Variants in ROR2 observed in about 807,000 individuals in gnomAD.
ROR2 encodes the protein ROR family WNT receptor 2, also known as tyrosine-protein kinase transmembrane receptor ROR2.
ROR2 carries 33 observed loss-of-function variants against 74.9 expected under a neutral mutation model. The ratio of observed to expected loss-of-function variants is 0.44; its 90% CI spans 0.33 to 0.59. The LOEUF is 0.59. Among genes scored for constraint, ROR2 ranks in the 20% least tolerant of loss-of-function variants. ROR2 has a pLI of 0.02. For synonymous variants in ROR2, 586 were observed against 558.7 expected, an observed-to-expected ratio of 1.05 and a Z score of -0.69; for missense variants, 1,216 against 1,313.8, an observed-to-expected ratio of 0.93 and a Z score of 1.15.
intron 1 of ROR2, among the ~76,000 whole-genome samples, chr9:91,842,531 C>G (rs1239307472): frequency 4.6e-5 from 7 of 152,358 alleles, no homozygotes; most frequent in African/African-American, 1.4e-4. Flanking sequence ...GCCAATCGGA[C>G]GCCACAGGCA....
chr9:91,935,729 C>T (rs558069147), intron 1 of ROR2, among the ~76,000 whole-genome samples: 90 of 152,336 alleles, frequency 5.9e-4, no homozygotes, highest in African/African-American at 1.8e-3. Flanking sequence ...TCTGCTCTGA[C>T]ATCTGGGATG....
intron 1 of ROR2, among the ~76,000 whole-genome samples, chr9:91,886,415 G>A (rs1259686047): frequency 6.6e-6 from 1 of 152,122 alleles, no homozygotes; most frequent in Non-Finnish European, 1.5e-5. Context: ...CTACACCACG[G>A]CCTCTGCACA....
At chr9:91,741,304 G>GTAGTAATAA (rs374035845) in intron 4 of ROR2, among the ~76,000 whole-genome samples, 2 of 135,604 alleles carry the variant, frequency 1.5e-5, no homozygotes, top group Admixed American at 1.5e-4. Flanking sequence ...GTCTCAAGTA[G>GTAGTAATAA]TAATAATAAT....
chr9:91,839,850 C>G (rs1828730973), intron 1 of ROR2, among the ~76,000 whole-genome samples: 1 of 152,016 alleles, frequency 6.6e-6, no homozygotes, highest in Non-Finnish European at 1.5e-5. Flanking sequence ...TGAGGGTGAT[C>G]TGTTTAATAC....
chr9:91,724,719 A>G lies in ROR2; in HGVS notation c.1775T>C (p.Phe592Ser). ...CGCGATCTGTGCCACAAGGTGCACGAAGTCGGGGGGCTCCAGGGCGGACTT... is the reference window on the plus strand; with the variant it reads ...CGCGATCTGTGCCACAAGGTGCACGGAGTCGGGGGGCTCCAGGGCGGACTT... ...TVKSALEPPDFVHLVAQIAAG... is the reference protein window; with the variant it reads ...TVKSALEPPDSVHLVAQIAAG... The change falls in exon 9 of 9, where the codon TTC (phenylalanine) becomes TCC (serine). Residue 592 changes from phenylalanine to serine, a missense_variant. By Grantham distance (155) the Phe-to-Ser change is radical (BLOSUM62 -2). Transcript: ENST00000375708. 6.2e-7 allele frequency: 1 copy of G among 1,614,176 alleles called. No individual in the cohort carries two copies. The highest frequency in any genetic ancestry group is 1.1e-5 in the South Asian group (1 of 91,084).
Position 91,905,889 on chromosome 9 carries a change from T to C in ROR2, c.97+43978A>G, listed in dbSNP as rs1830802759. ...GGAATTCTTGATCCCAGTGGAAGAT[T>C]ACATATTAAAGAAAATGCAGAAAAT... On this transcript the variant is annotated intron_variant, in intron 1 of 8. Transcript: ENST00000375708. This position sits in a 1 kb window ranked among gnomAD's most constrained non-coding sequence, Gnocchi z 5.3. Among the ~76,000 whole-genome samples the C allele has an allele frequency of 6.6e-6, 1 of 151,868 alleles. No individual in the cohort carries two copies. Among genetic ancestry groups the C allele is most frequent in the Non-Finnish European group, 1.5e-5 (1 of 67,984 alleles).
rs79552283 is a variant in ROR2, at chr9:91,875,500, G to A, written c.97+74367C>T. On this transcript the variant is annotated intron_variant, in intron 1 of 8. Coordinates refer to ENST00000375708, the MANE Select transcript of ROR2 (RefSeq NM_004560.4). ...ATGATACCCACCAGTGAACAATGCTGGATTGACCATGCTTTCTTTATTTTC... is the reference window on the plus strand; with the variant it reads ...ATGATACCCACCAGTGAACAATGCTAGATTGACCATGCTTTCTTTATTTTC... 1.1e-4 allele frequency among the ~76,000 whole-genome samples: 16 copies of A among 152,288 alleles called. No individual in the cohort carries two copies. In the East Asian group the frequency reaches 3.1e-3, roughly 29 times the overall value.
intron 1 of ROR2, among the ~76,000 whole-genome samples, chr9:91,796,447 A>AAAAC (rs1286725856): frequency 6.6e-6 from 1 of 151,964 alleles, no homozygotes; most frequent in Admixed American, 6.5e-5. Context: ...AAAAAAAAAA[A>AAAAC]AAAAAAAACA....
chr9:91,889,867 T>A (rs1326816473), intron 1 of ROR2, among the ~76,000 whole-genome samples: 2 of 152,214 alleles, frequency 1.3e-5, no homozygotes, highest in African/African-American at 4.8e-5. Flanking sequence ...AGACACACTC[T>A]GCACAGCAAA....
intron 1 of ROR2, among the ~76,000 whole-genome samples, chr9:91,942,133 G>C (rs374333662): frequency 1.3e-5 from 2 of 152,014 alleles, no homozygotes; most frequent in African/African-American, 2.4e-5. Flanking sequence ...CTGTTTCATC[G>C]CTCATGTCCT....
At chr9:91,891,738 G>A (rs1482237670) in intron 1 of ROR2, among the ~76,000 whole-genome samples, 1 of 152,056 alleles carries the variant, frequency 6.6e-6, no homozygotes, top group Non-Finnish European at 1.5e-5. Flanking sequence ...CCCGGCCCTG[G>A]GCCCCTCACC....
intron 1 of ROR2, among the ~76,000 whole-genome samples, chr9:91,873,848 G>A (rs1239610103): frequency 6.6e-6 from 1 of 152,140 alleles, no homozygotes; most frequent in Admixed American, 6.5e-5. Flanking sequence ...GATGCCTTCA[G>A]GGGAACCTTT....
intron 1 of ROR2, among the ~76,000 whole-genome samples, chr9:91,940,129 T>C (rs907743208): frequency 6.6e-6 from 1 of 152,170 alleles, no homozygotes; most frequent in Admixed American, 6.5e-5. Context: ...GCTGCATTCA[T>C]GGCAACTCAG....
intron 7 of ROR2, among the ~76,000 whole-genome samples, chr9:91,729,858 C>G (rs559473154): frequency 1.6e-4 from 25 of 152,304 alleles, no homozygotes; most frequent in African/African-American, 6.0e-4. Flanking sequence ...TCCACCAAAC[C>G]TAAGTGTAAA....
intron 2 of ROR2, among the ~76,000 whole-genome samples, chr9:91,768,612 G>A (rs541475978): frequency 2.6e-5 from 4 of 152,300 alleles, no homozygotes; most frequent in South Asian, 4.1e-4. Context: ...ACGCCACCCC[G>A]CTGGGCGCAG....
chr9:91,856,496 T>A (rs1235822134), intron 1 of ROR2, among the ~76,000 whole-genome samples: 1 of 151,976 alleles, frequency 6.6e-6, no homozygotes, highest in African/African-American at 2.4e-5. Context: ...AAAAACAAGG[T>A]CATATGAGTG....
intron 1 of ROR2, among the ~76,000 whole-genome samples, chr9:91,937,874 C>T (rs183215775): frequency 2.6e-5 from 4 of 152,160 alleles, no homozygotes; most frequent in East Asian, 1.9e-4. Flanking sequence ...CCACCACGCC[C>T]GGCTAATTTT....
intron 7 of ROR2, among the ~76,000 whole-genome samples, chr9:91,728,747 T>C (rs1041165133): frequency 2.6e-5 from 4 of 152,240 alleles, no homozygotes; most frequent in African/African-American, 7.2e-5. Flanking sequence ...AACTTGATTT[T>C]AAATAGAATC....
rs1034134781 is a variant in ROR2 at position 91,746,554 on chromosome 9, C to T, written c.495-9036G>A. ...GCTGGCCGAATTCCGTGTAGACACA[C>T]TTGGCGAGCGGTGCCTTCGAATCAT... On this transcript the variant is annotated intron_variant, in intron 4 of 8. Coordinates refer to ENST00000375708, the MANE Select transcript of ROR2 (RefSeq NM_004560.4). Among the ~76,000 whole-genome samples, 7 of 152,182 alleles carry T rather than the reference C, an allele frequency of 4.6e-5. No individual in the cohort carries two copies. The South Asian group carries it at 1.0e-3, about 23-fold the overall frequency.
Sources: gnomAD v4.1 joint callset for allele counts (sites outside exome capture counted in the v4.1 genomes callset) on GRCh38, gnomAD v4.1.1 for gene constraint, Gnocchi (gnomAD v3.1) non-coding constraint, MANE v1.5 for transcripts, NCBI Gene and HGNC (gene_info 2026-07-23, HGNC 2026-07-21) for gene names.